Variants in GALNTL6 observed in about 807,000 individuals in gnomAD.
GALNTL6 encodes the protein polypeptide N-acetylgalactosaminyltransferase-like 6.
GALNTL6 carries 46 observed loss-of-function variants against 73.7 expected under a neutral mutation model. The observed-to-expected ratio is 0.62, with a 90% CI of 0.49 to 0.80. The LOEUF is 0.80. Ranked by LOEUF, GALNTL6 falls within the 30% of genes least tolerant of loss-of-function variation. GALNTL6 has a pLI of 0.00. For missense variants in GALNTL6, 604 were observed against 755.0 expected, an observed-to-expected ratio of 0.80 and a Z score of 2.34; for synonymous variants, 259 against 263.7, an observed-to-expected ratio of 0.98 and a Z score of 0.17.
At chr4:172,652,284 G>A (rs1485199850) in intron 5 of GALNTL6, among the ~76,000 whole-genome samples, 2 of 152,148 alleles carry the variant, frequency 1.3e-5, no homozygotes, top group Non-Finnish European at 2.9e-5. Context: ...AAAAGAACAG[G>A]GTGATTTAAA....
chr4:172,189,816 T>C (rs1178025794), intron 2 of GALNTL6, among the ~76,000 whole-genome samples: 2 of 151,850 alleles, frequency 1.3e-5, no homozygotes, highest in African/African-American at 4.9e-5. Flanking sequence ...ATTACAATGA[T>C]AATAATAATG....
chr4:172,504,175 A>AAAAAAAAAAAAC lies in GALNTL6; in HGVS notation c.553+155490_553+155491insAAAAAAACAAAA, dbSNP rs1363544210. Among the ~76,000 whole-genome samples, 5 of 39,318 alleles carry AAAAAAAAAAAAC rather than the reference A, an allele frequency of 1.3e-4. 1 individual carries two copies. The highest frequency in any genetic ancestry group is 3.8e-4 in the African/African-American group (5 of 13,020). The allele number at this position is 39,318 out of a possible 152,430, so 25.8% of individuals were successfully genotyped here. A position where few individuals can be genotyped will look rare whatever the true frequency, so the allele number is the denominator to read the frequency against. On this transcript the variant is annotated intron_variant, in intron 5 of 12. Transcript: ENST00000506823. ...ACTCTGTCTCAAAAAAAAAAAAAAA[A>AAAAAAAAAAAAC]AAAACTCACACCTTGTTGATATTGG... is the stretch of plus-strand genomic sequence containing the variant.
intron 9 of GALNTL6, among the ~76,000 whole-genome samples, chr4:172,933,993 C>G (rs1042472592): frequency 6.6e-6 from 1 of 152,176 alleles, no homozygotes; most frequent in Admixed American, 6.5e-5. Context: ...CTTAAACAGC[C>G]TACTGGTTGG....
chr4:172,103,689 C>T (rs1226417157), intron 2 of GALNTL6, among the ~76,000 whole-genome samples: 1 of 152,140 alleles, frequency 6.6e-6, no homozygotes, highest in Non-Finnish European at 1.5e-5. Context: ...CCTCTGTAGC[C>T]TGTGAGATTA....
intron 3 of GALNTL6, among the ~76,000 whole-genome samples, chr4:172,242,652 C>A (rs66811143): frequency 0.38 from 57,719 of 151,984 alleles, 11,141 homozygotes; most frequent in Non-Finnish European, 0.41. Flanking sequence ...CTTAAATAGT[C>A]ATAATGGTAG....
chr4:171,897,771 CA>C (rs200972681), intron 2 of GALNTL6, among the ~76,000 whole-genome samples: 2 of 149,996 alleles, frequency 1.3e-5, no homozygotes, highest in African/African-American at 4.9e-5. Flanking sequence ...ACTAAAAATG[CA>C]AAAAAATTAG....
chr4:172,401,412 A>T (rs1274583274), intron 5 of GALNTL6, among the ~76,000 whole-genome samples: 2 of 152,152 alleles, frequency 1.3e-5, no homozygotes, highest in Non-Finnish European at 2.9e-5. Flanking sequence ...CACGACATCT[A>T]AAATCTAGTT....
At chr4:172,031,711 T>C (rs1461091282) in intron 2 of GALNTL6, among the ~76,000 whole-genome samples, 1 of 151,900 alleles carries the variant, frequency 6.6e-6, no homozygotes, top group African/African-American at 2.4e-5. Flanking sequence ...TCAGCCTCAG[T>C]GTGAAGATGA....
At chr4:172,471,040 G>A (rs1733026570) in intron 5 of GALNTL6, among the ~76,000 whole-genome samples, 1 of 152,164 alleles carries the variant, frequency 6.6e-6, no homozygotes, top group Non-Finnish European at 1.5e-5. Context: ...GAGGCAGCTG[G>A]TAAACAACTA....
At chr4:172,120,280 C>G (rs542079969) in intron 2 of GALNTL6, among the ~76,000 whole-genome samples, 2 of 152,096 alleles carry the variant, frequency 1.3e-5, no homozygotes, top group Non-Finnish European at 2.9e-5. Flanking sequence ...AATTTTTCCT[C>G]TCAAGTGCTG....
chr4:172,293,703 C>T (rs1325477029), intron 3 of GALNTL6, among the ~76,000 whole-genome samples: 2 of 151,360 alleles, frequency 1.3e-5, no homozygotes, highest in African/African-American at 4.8e-5. Context: ...AAAATATTAG[C>T]AATACATCTG....
chr4:172,482,072 A>G (rs1199141608), intron 5 of GALNTL6, among the ~76,000 whole-genome samples: 1 of 152,200 alleles, frequency 6.6e-6, no homozygotes, highest in Non-Finnish European at 1.5e-5. Context: ...GTGGCCCAGC[A>G]GTGCTGGGGG....
At chr4:171,930,646 C>T (rs1454566995) in intron 2 of GALNTL6, among the ~76,000 whole-genome samples, 19 of 152,024 alleles carry the variant, frequency 1.2e-4, no homozygotes, top group Admixed American at 1.2e-3. Context: ...ACCAGCCTGG[C>T]AAACATAGTA....
chr4:172,896,941 C>G (rs1203200253), intron 8 of GALNTL6, among the ~76,000 whole-genome samples: 1 of 152,088 alleles, frequency 6.6e-6, no homozygotes, highest in Non-Finnish European at 1.5e-5. Context: ...GGGCCCACCT[C>G]TCCCAGCAGG....
At chr4:172,658,098 C>T (rs1196969855) in intron 5 of GALNTL6, among the ~76,000 whole-genome samples, 2 of 118,690 alleles carry the variant, frequency 1.7e-5, no homozygotes, top group East Asian at 2.4e-4. Flanking sequence ...TGCAGTGAGC[C>T]GAGATCCCGC....
intron 2 of GALNTL6, chr4:171,815,185 T>C (rs1166792546): frequency 1.8e-5 from 3 of 171,066 alleles, no homozygotes; most frequent in East Asian, 3.3e-4. Flanking sequence ...AGTATTTTGG[T>C]TGTAAATTTT....
chr4:171,905,584 C>A (rs1305612988), intron 2 of GALNTL6, among the ~76,000 whole-genome samples: 5 of 150,078 alleles, frequency 3.3e-5, no homozygotes, highest in Admixed American at 3.3e-4. Flanking sequence ...GACAGATCAA[C>A]GAGACAGAAA....
At chr4:172,621,768 A>G (rs1194498029) in intron 5 of GALNTL6, among the ~76,000 whole-genome samples, 1 of 152,156 alleles carries the variant, frequency 6.6e-6, no homozygotes. Flanking sequence ...CTTCCTCACA[A>G]TAGCCTTGAT....
At chr4:172,871,589 G>A (rs1158419600) in intron 7 of GALNTL6, among the ~76,000 whole-genome samples, 2 of 93,988 alleles carry the variant, frequency 2.1e-5, no homozygotes, top group African/African-American at 6.8e-5. Flanking sequence ...CTCTGACTCT[G>A]GGGGGGGTGT....
Sources: gnomAD v4.1 joint callset for allele counts (sites outside exome capture counted in the v4.1 genomes callset) on GRCh38, gnomAD v4.1.1 for gene constraint, MANE v1.5 for transcripts, NCBI Gene and HGNC (gene_info 2026-07-23, HGNC 2026-07-21) for gene names.